FBXL17: variants seen among roughly 807,000 people sequenced by gnomAD.
FBXL17 encodes the protein F-box and leucine rich repeat protein 17.
FBXL17 carries 22 observed loss-of-function variants against 66.2 expected under a neutral mutation model. The ratio of observed to expected loss-of-function variants is 0.33; its 90% CI spans 0.24 to 0.47. The LOEUF is 0.47. Among genes scored for constraint, FBXL17 ranks in the 20% least tolerant of loss-of-function variants. The pLI is 1.00. For synonymous variants in FBXL17, 474 were observed against 400.5 expected, an observed-to-expected ratio of 1.18 and a Z score of -2.19; for missense variants, 878 against 948.2, an observed-to-expected ratio of 0.93 and a Z score of 0.97.
At position 108,110,223 on chromosome 5, in the gene FBXL17, C is replaced by A. The variant is rs1464574585; in HGVS notation, c.1745+75894G>T. ...TGGGTTCAAGAACACCCAAGCAGAACCTGAGCATAATTTTGAATTAATCTC... is the reference window on the plus strand; with the variant it reads ...TGGGTTCAAGAACACCCAAGCAGAAACTGAGCATAATTTTGAATTAATCTC... On this transcript the variant is annotated intron_variant, in intron 6 of 8. Transcript: ENST00000542267. Among the ~76,000 whole-genome samples, 5 of 152,112 alleles carry A rather than the reference C, an allele frequency of 3.3e-5. No individual in the cohort carries two copies. In the South Asian group the frequency reaches 1.0e-3, roughly 32 times the overall value.
At chr5:107,979,615 G>GC (rs1409219361) in intron 7 of FBXL17, among the ~76,000 whole-genome samples, 5 of 152,194 alleles carry the variant, frequency 3.3e-5, no homozygotes, top group Admixed American at 6.5e-5. Context: ...TCTCTCACAA[G>GC]CCCCCTCTGG....
chr5:108,162,401 CAGG>C (rs1291106967), intron 6 of FBXL17, among the ~76,000 whole-genome samples: 1 of 152,060 alleles, frequency 6.6e-6, no homozygotes, highest in Non-Finnish European at 1.5e-5. Context: ...GAGACTGAAG[CAGG>C]AGGATTGCTT....
chr5:108,337,058 C>T (rs1760418509), intron 4 of FBXL17, among the ~76,000 whole-genome samples: 1 of 151,896 alleles, frequency 6.6e-6, no homozygotes, highest in African/African-American at 2.4e-5. Flanking sequence ...GAGATCGAGA[C>T]CATCCTGGCC....
At chr5:108,053,094 T>G (rs1178922857) in intron 6 of FBXL17, among the ~76,000 whole-genome samples, 1 of 151,982 alleles carries the variant, frequency 6.6e-6, no homozygotes, top group Admixed American at 6.6e-5. Flanking sequence ...CCATAAAAAC[T>G]CTAGAAGAAA....
At chr5:108,346,290 A>G (rs1299602313) in intron 4 of FBXL17, among the ~76,000 whole-genome samples, 1 of 152,102 alleles carries the variant, frequency 6.6e-6, no homozygotes, top group African/African-American at 2.4e-5. Context: ...TTTAAGACTT[A>G]GCAAAATTAC....
At chr5:107,907,165 T>C (rs1422404143) in intron 7 of FBXL17, among the ~76,000 whole-genome samples, 1 of 152,138 alleles carries the variant, frequency 6.6e-6, no homozygotes, top group Non-Finnish European at 1.5e-5. Context: ...TACCATCCAT[T>C]TACACTTCAC....
chr5:108,234,394 T>C (rs1364624847), intron 4 of FBXL17, among the ~76,000 whole-genome samples: 1 of 152,212 alleles, frequency 6.6e-6, no homozygotes, highest in African/African-American at 2.4e-5. Context: ...CCCCACTTAA[T>C]GGATTGACTT....
rs1753191700 is a variant in FBXL17 at position 108,185,513 on chromosome 5, AC to A, written c.1745+603del. 2.0e-5 allele frequency among the ~76,000 whole-genome samples: 3 copies of A among 152,074 alleles called. No individual in the cohort carries two copies. The South Asian group carries it at 6.2e-4, about 32-fold the overall frequency. On this transcript the variant is annotated intron_variant, in intron 6 of 8. Coordinates refer to ENST00000542267, the MANE Select transcript of FBXL17 (RefSeq NM_001163315.3). Reference sequence around the variant, plus strand: ...TACAGCCTGCAGAACTGTGAATTAAACCTCTTGTCTTTATAAATTACCCAGT... The same window carrying A: ...TACAGCCTGCAGAACTGTGAATTAAACTCTTGTCTTTATAAATTACCCAGT...
intron 7 of FBXL17, among the ~76,000 whole-genome samples, chr5:107,884,505 C>T (rs559160697): frequency 1.3e-5 from 2 of 152,278 alleles, no homozygotes; most frequent in African/African-American, 4.8e-5. Flanking sequence ...TTTCTCTTTA[C>T]CACTCAGGTA....
At chr5:107,985,668 T>C (rs759408560) in intron 7 of FBXL17, among the ~76,000 whole-genome samples, 1 of 152,224 alleles carries the variant, frequency 6.6e-6, no homozygotes, top group Non-Finnish European at 1.5e-5. Context: ...ATGATCTATA[T>C]ACATCTGAAT....
intron 4 of FBXL17, among the ~76,000 whole-genome samples, chr5:108,329,008 A>G (rs1759993550): frequency 6.6e-6 from 1 of 152,074 alleles, no homozygotes; most frequent in Non-Finnish European, 1.5e-5. Flanking sequence ...CTATCCTTTG[A>G]TCTTCCCAAT....
Position 108,105,835 on chromosome 5 carries a change from T to A in FBXL17, c.1745+80282A>T, listed in dbSNP as rs991786676. 2.0e-5 allele frequency among the ~76,000 whole-genome samples: 3 copies of A among 152,186 alleles called. No homozygotes were observed. The East Asian group carries it at 5.8e-4, about 29-fold the overall frequency. ...TTTATATCTTATTAGGGAAAGGCCA[T>A]TAAGGCAAAATTATTTAATATCTCT... On this transcript the variant is annotated intron_variant, in intron 6 of 8. Coordinates refer to ENST00000542267, the MANE Select transcript of FBXL17 (RefSeq NM_001163315.3).
chr5:108,099,570 A>AGTGTTTT (rs1399760458), intron 6 of FBXL17, among the ~76,000 whole-genome samples: 1 of 152,178 alleles, frequency 6.6e-6, no homozygotes, highest in Non-Finnish European at 1.5e-5. Flanking sequence ...TGGGTAGAGA[A>AGTGTTTT]GGGACTAGGA....
chr5:107,885,773 A>C (rs1324028562), intron 7 of FBXL17, among the ~76,000 whole-genome samples: 1 of 152,176 alleles, frequency 6.6e-6, no homozygotes, highest in Non-Finnish European at 1.5e-5. Context: ...CATAAACCAG[A>C]AACCACAAAA....
intron 6 of FBXL17, among the ~76,000 whole-genome samples, chr5:108,141,896 C>T (rs1055656323): frequency 3.3e-5 from 5 of 152,204 alleles, no homozygotes; most frequent in African/African-American, 7.2e-5. Flanking sequence ...TTTCTGACCT[C>T]ACTACTCCCA....
chr5:108,380,938 C>T lies in FBXL17; in HGVS notation c.754G>A (p.Glu252Lys). 1 of 1,221,554 alleles carries T rather than the reference C, an allele frequency of 8.2e-7. No homozygotes were observed. Among genetic ancestry groups the T allele is most frequent in the Non-Finnish European group, 1.0e-6 (1 of 979,262 alleles). 75.7% of individuals were successfully genotyped at this position (1,221,554 alleles called of 1,614,324 possible). A position where few individuals can be genotyped will look rare whatever the true frequency, so the allele number is the denominator to read the frequency against. ...GGGCAGAGCGGCTGCGGGGGCTGCT[C>T]CGGGGCCTGGCAGCAGCCGGCGTCG... ...PPDAGCCQAP[E>K]QPPQPLCPPP... is the part of the protein sequence containing the mutation. Residue 252 changes from glutamate to lysine, a missense_variant, in exon 1 of 9, where the codon GAG becomes AAG. By Grantham distance (56) the Glu-to-Lys change is moderately conservative (BLOSUM62 1). This residue lies in a region of FBXL17 where 605 missense variants were observed against 509.5 expected (regional missense o/e 1.19). Coordinates refer to ENST00000542267, the MANE Select transcript of FBXL17 (RefSeq NM_001163315.3).
chr5:107,947,522 CT>C (rs1751354097), intron 7 of FBXL17, among the ~76,000 whole-genome samples: 1 of 152,212 alleles, frequency 6.6e-6, no homozygotes, highest in Non-Finnish European at 1.5e-5. Context: ...TCTTTTCCCC[CT>C]TTTCTCACCT....
intron 6 of FBXL17, among the ~76,000 whole-genome samples, chr5:108,053,333 C>T (rs1747555559): frequency 6.6e-6 from 1 of 151,938 alleles, no homozygotes; most frequent in African/African-American, 2.4e-5. Context: ...CCACAAGAAA[C>T]TTAAACAAAT....
chr5:108,134,752 T>C (rs1010020321), intron 6 of FBXL17, among the ~76,000 whole-genome samples: 1 of 152,180 alleles, frequency 6.6e-6, no homozygotes, highest in Non-Finnish European at 1.5e-5. Flanking sequence ...TGGTTTCCAA[T>C]CCTAATTCCA....
Sources: allele counts gnomAD v4.1 joint callset (sites outside exome capture counted in the v4.1 genomes callset), GRCh38; gene constraint gnomAD v4.1.1; regional missense constraint gnomAD v4.1.1; transcripts MANE v1.5; gene names NCBI Gene and HGNC (gene_info 2026-07-23, HGNC 2026-07-21).